The following MYO9B variants were observed in gnomAD, a reference collection of about 807,000 sequenced individuals.
MYO9B encodes myosin IXB, also known as unconventional myosin-IXb.
In MYO9B, 71 loss-of-function variants were observed where a neutral mutation model predicts 229.5. The ratio of observed to expected loss-of-function variants is 0.31; its 90% confidence interval spans 0.26 to 0.38. MYO9B has a LOEUF of 0.38. MYO9B is among the 10% of genes least tolerant of loss of function. The probability of loss-of-function intolerance (pLI) is 1.00; values close to 1 mark genes in which losing one functional copy is unlikely to be tolerated. For missense variants in MYO9B, 2,255 were observed against 2,920.5 expected, an observed-to-expected ratio of 0.77 and a Z score of 5.25; for synonymous variants, 1,185 against 1,235.8, an observed-to-expected ratio of 0.96 and a Z score of 0.86.
intron 8 of MYO9B, among the ~76,000 whole-genome samples, chr19:17,161,826 G>A (rs1244165012): frequency 1.3e-5 from 2 of 151,418 alleles, no homozygotes; most frequent in African/African-American, 4.8e-5. Flanking sequence ...AAAAATATAT[G>A]TATATATTAA....
In MYO9B at chr19:17,203,149, C is replaced by A; in HGVS notation, c.4881C>A (p.Val1627=). ...QKKKRKQERA[V]QEHNGHVFAS... Reference sequence around the variant, plus strand: ...AGCGCCTTCCTCTGGCCTCACAGGTCCAGGAGCACAACGGGCACGTGTTCG... The same window carrying A: ...AGCGCCTTCCTCTGGCCTCACAGGTACAGGAGCACAACGGGCACGTGTTCG... The change falls in exon 30 of 40, where the codon GTC becomes GTA. Residue 1627 remains valine (V), a splice_region_variant and synonymous_variant. Transcript: ENST00000682292. The A allele has an allele frequency of 6.4e-7, 1 of 1,567,934 alleles. No homozygotes were observed. The highest frequency in any genetic ancestry group is 1.9e-5 in the Admixed American group (1 of 53,126).
At position 17,134,360 on chromosome 19, in the gene MYO9B, GTTTTTTTTTTCGTTTTGTTTGTTTTT is replaced by G. The variant is rs2145187249; in HGVS notation, c.841-11026_841-11001del. The stretch of plus-strand genomic sequence containing the variant: ...TTGTTGCAAATGACAGGATCTCTTT[GTTTTTTTTTTCGTTTTGTTTGTTTTT>G]TTTTTTTTTTTTTTTTTTTTTTTGA... On this transcript the variant is annotated intron_variant, in intron 2 of 39. Coordinates refer to ENST00000682292, the MANE Select transcript of MYO9B (RefSeq NM_004145.4). Among the ~76,000 whole-genome samples the G allele has an allele frequency of 6.5e-5, 3 of 45,986 alleles. No individual in the cohort carries two copies. In the South Asian group the frequency reaches 2.5e-3, roughly 38 times the overall value. The allele number at this position is 45,986 out of a possible 152,430, so 30.2% of individuals were successfully genotyped here.
Position 17,180,994 on chromosome 19 carries a change from C to T in MYO9B, c.2287C>T (p.Leu763Phe). 1 of 1,611,212 alleles carries T rather than the reference C, an allele frequency of 6.2e-7. No homozygotes were observed. The highest frequency in any genetic ancestry group is 8.5e-7 in the Non-Finnish European group (1 of 1,178,866). ...CTGGCAGGGCGAGGACCCCCGTAGC[C>T]TTCTCCAGTCCCTCAGTCGGCTCCA... is the stretch of plus-strand genomic sequence containing the variant. Reference protein sequence around the residue: ...LPWQGEDPRSLLQSLSRLQKP... With the variant: ...LPWQGEDPRSFLQSLSRLQKP... The change falls in exon 15 of 40, where the codon CTT becomes TTT. Residue 763 changes from leucine (L) to phenylalanine (F), a missense_variant. This residue lies in a region of MYO9B where 155 missense variants were observed against 159.1 expected (regional missense o/e 0.97). Coordinates refer to ENST00000682292, the MANE Select transcript of MYO9B (RefSeq NM_004145.4).
At chr19:17,109,957 A>G (rs1234013844) in intron 2 of MYO9B, among the ~76,000 whole-genome samples, 1 of 152,204 alleles carries the variant, frequency 6.6e-6, no homozygotes, top group Non-Finnish European at 1.5e-5. Context: ...TAGATTCCCC[A>G]GGCCACACCG....
chr19:17,166,004 T>TA (rs2072655142), intron 10 of MYO9B, among the ~76,000 whole-genome samples: 2 of 152,216 alleles, frequency 1.3e-5, no homozygotes, highest in South Asian at 4.1e-4. Context: ...TCTGGCCCAT[T>TA]ACAGAGAAAG....
rs2145205211 is a variant in MYO9B at position 17,138,747 on chromosome 19, C to T, written c.841-6650C>T. 1.3e-5 allele frequency among the ~76,000 whole-genome samples: 2 copies of T among 152,336 alleles called. 1 individual carries two copies. The highest frequency in any genetic ancestry group is 4.1e-4 in the South Asian group (2 of 4,830). On this transcript the variant is annotated intron_variant, in intron 2 of 39. Coordinates refer to ENST00000682292, the MANE Select transcript of MYO9B (RefSeq NM_004145.4). The stretch of plus-strand genomic sequence containing the variant: ...TTGGGTGATATTGTGGTCACATGAA[C>T]ATCCTAGAATGAACTTACACAAACC...
rs781008643 is a variant in MYO9B, at chr19:17,180,904, GCCC to G, written c.2220-20_2220-18del. The G allele has an allele frequency of 6.6e-7, 1 of 1,511,268 alleles. No homozygotes were observed. Among genetic ancestry groups the G allele is most frequent in the Non-Finnish European group, 9.1e-7 (1 of 1,097,122 alleles). 93.6% of individuals were successfully genotyped at this position (1,511,268 alleles called of 1,614,324 possible). On this transcript the variant is annotated intron_variant, in intron 14 of 39. Coordinates refer to ENST00000682292, the MANE Select transcript of MYO9B (RefSeq NM_004145.4). ...AACTCCATCTTCTTTCTGTCACTGC[GCCC>G]CCTCCACCCCTCCCCTCAGCGATTT...
intron 2 of MYO9B, among the ~76,000 whole-genome samples, chr19:17,134,413 A>G (rs1346773157): frequency 2.6e-5 from 2 of 76,150 alleles, no homozygotes; most frequent in East Asian, 3.9e-4. Flanking sequence ...TTTTTTTGAG[A>G]CAGACTCTCG....
chr19:17,167,996 T>C lies in MYO9B; in HGVS notation c.1725T>C (p.Asn575=), dbSNP rs2145339713. Residue 575 remains asparagine, a synonymous_variant, in exon 11 of 40, where the codon AAT becomes AAC. Coordinates refer to ENST00000682292, the MANE Select transcript of MYO9B (RefSeq NM_004145.4). ...GGCACAACATCGGCTACACAGACAA[T>C]GTCGGCTGCATCCATCTCATCAGCA... ...ITWHNIGYTD[N]VGCIHLISKK... is the part of the protein sequence containing the mutation. 1.9e-6 allele frequency: 3 copies of C among 1,606,892 alleles called. No individual in the cohort carries two copies. The highest frequency in any genetic ancestry group is 1.1e-5 in the South Asian group (1 of 89,508).
At position 17,200,684 on chromosome 19, in the gene MYO9B, C is replaced by G. The variant is rs1599421182; in HGVS notation, c.4418C>G (p.Thr1473Ser). The G allele has an allele frequency of 6.2e-7, 1 of 1,613,896 alleles. No individual in the cohort carries two copies. The change falls in exon 26 of 40, where the codon ACC (threonine) becomes AGC (serine). Residue 1473 changes from threonine (T) to serine (S), a missense_variant. By Grantham distance (58) the Thr-to-Ser change is moderately conservative. Around this residue, in one of 7 missense-constraint regions of MYO9B, gnomAD observed 416 missense variants for 605.5 expected, o/e 0.69. Coordinates refer to ENST00000682292, the MANE Select transcript of MYO9B (RefSeq NM_004145.4). ...QHRHAAGEKR[T>S]KEPGGKGKKN... ...CGCCACGCTGCAGGTGAGAAGCGCA[C>G]CAAGGAACCAGGAGGCAAAGGGAAG...
chr19:17,212,173 A>G lies in MYO9B; in HGVS notation c.6337A>G (p.Thr2113Ala), dbSNP rs777871372. The change falls in exon 40 of 40, where the codon ACG (threonine) becomes GCG (alanine). Residue 2113 changes from threonine to alanine, a missense_variant. Transcript: ENST00000682292. The surrounding 1 kb of genome is among the most constrained non-coding windows in gnomAD (Gnocchi z 5.4). ...RPDQIHSVYI[T>A]PGADLPVQGA... ...GGACCAGATACATTCCGTGTACATC[A>G]CGCCCGGGGCAGACCTGCCAGTGCA... 6 of 1,580,898 alleles carry G rather than the reference A, an allele frequency of 3.8e-6. No individual in the cohort carries two copies. In the East Asian group the frequency reaches 7.0e-5, roughly 19 times the overall value.
intron 2 of MYO9B, among the ~76,000 whole-genome samples, chr19:17,105,484 G>C (rs2057784438): frequency 6.6e-6 from 1 of 152,090 alleles, no homozygotes; most frequent in Non-Finnish European, 1.5e-5. Context: ...GACAGAGCGA[G>C]ACCCTGTCCC....
intron 1 of MYO9B, among the ~76,000 whole-genome samples, chr19:17,094,755 A>G (rs1010632494): frequency 6.6e-6 from 1 of 152,132 alleles, no homozygotes; most frequent in African/African-American, 2.4e-5. Flanking sequence ...CAGCCTGGGC[A>G]ACATGATGAA....
chr19:17,093,686 CGGGGGGTGGGGG>C (rs2057660283), intron 1 of MYO9B, among the ~76,000 whole-genome samples: 1 of 98,608 alleles, frequency 1.0e-5, no homozygotes, highest in Non-Finnish European at 2.4e-5. Flanking sequence ...AGTTTTTTTG[CGGGGGGTGGGGG>C]GGGGGGTGGT....
intron 1 of MYO9B, among the ~76,000 whole-genome samples, chr19:17,078,275 G>T (rs1049443413): frequency 6.6e-6 from 1 of 152,142 alleles, no homozygotes; most frequent in African/African-American, 2.4e-5. Context: ...GCTGGGCCGC[G>T]GTGGCTCAGG....
chr19:17,150,434 T>A lies in MYO9B; in HGVS notation c.936-2210T>A, dbSNP rs141966713. On this transcript the variant is annotated intron_variant, in intron 3 of 39. Transcript: ENST00000682292. ...AAAAAAAAAAAAAAGACTGCTATGC[T>A]GGAGAGACAGGCGTTCAGCAGACCC... 2.2e-3 allele frequency among the ~76,000 whole-genome samples: 335 copies of A among 150,022 alleles called. 5 individuals are homozygous for A. In the Middle Eastern group the frequency reaches 0.063, roughly 28 times the overall value.
At chr19:17,175,446 A>T (rs1246427785) in intron 13 of MYO9B, among the ~76,000 whole-genome samples, 1 of 151,904 alleles carries the variant, frequency 6.6e-6, no homozygotes, top group Non-Finnish European at 1.5e-5. Flanking sequence ...TTAGCTGGGC[A>T]CAGTGGCCTG....
chr19:17,132,327 A>T (rs1225359675), intron 2 of MYO9B, among the ~76,000 whole-genome samples: 1 of 149,304 alleles, frequency 6.7e-6, no homozygotes, highest in African/African-American at 2.4e-5. Flanking sequence ...GAGGGACTAC[A>T]GGCTTGTGCC....
chr19:17,200,490 G>T, intron 25 of MYO9B, 64 bp downstream of exon 25: 1 of 1,524,088 alleles, frequency 6.6e-7, no homozygotes, highest in Middle Eastern at 2.3e-4. Context: ...GACATTCACT[G>T]TCCCCAAACG....
Sources: gnomAD v4.1 joint callset for allele counts (sites outside exome capture counted in the v4.1 genomes callset) on GRCh38, gnomAD v4.1.1 for gene constraint, gnomAD v4.1.1 regional missense constraint, Gnocchi (gnomAD v3.1) non-coding constraint, MANE v1.5 for transcripts, NCBI Gene and HGNC (gene_info 2026-07-23, HGNC 2026-07-21) for gene names.